GABRG3: variants seen among roughly 807,000 people sequenced by gnomAD.
GABRG3 encodes gamma-aminobutyric acid type A receptor subunit gamma3.
Under a neutral mutation model 48.8 loss-of-function variants are expected in GABRG3, and 25 were observed. The observed-to-expected ratio is 0.51, with a 90% CI of 0.37 to 0.72. GABRG3 has a LOEUF of 0.72. Among genes scored for constraint, GABRG3 ranks in the 30% least tolerant of loss-of-function variants. GABRG3 has a pLI of 0.00. For synonymous variants in GABRG3, 227 were observed against 217.6 expected (o/e 1.04, Z -0.38); for missense variants, 394 against 577.9 (o/e 0.68, Z 3.26).
At chr15:27,090,285 C>G (rs1354401526) in intron 3 of GABRG3, among the ~76,000 whole-genome samples, 1 of 152,206 alleles carries the variant, frequency 6.6e-6, no homozygotes, top group African/African-American at 2.4e-5. Context: ...GTAGGCTAGA[C>G]TAAGCTATGA....
At chr15:27,288,718 A>G (rs1192389479) in intron 3 of GABRG3, among the ~76,000 whole-genome samples, 1 of 80,626 alleles carries the variant, frequency 1.2e-5, no homozygotes, top group Non-Finnish European at 2.8e-5. Context: ...CGTCTCACAG[A>G]AAAAAAAAAA....
chr15:27,256,892 G>T (rs774933210), intron 3 of GABRG3, among the ~76,000 whole-genome samples: 2 of 152,306 alleles, frequency 1.3e-5, no homozygotes, highest in East Asian at 3.9e-4. Flanking sequence ...GACTGCAGAC[G>T]TCTCCTGGAC....
chr15:27,007,684 T>C (rs1419347594), intron 2 of GABRG3, among the ~76,000 whole-genome samples: 7 of 152,204 alleles, frequency 4.6e-5, no homozygotes, highest in Non-Finnish European at 1.0e-4. Context: ...TGAGCATTTT[T>C]TCATATACTG....
chr15:27,095,975 A>C (rs1241378134), intron 3 of GABRG3, among the ~76,000 whole-genome samples: 2 of 152,186 alleles, frequency 1.3e-5, no homozygotes. Context: ...GGTTCAGCCC[A>C]ACCTGGATTA....
intron 5 of GABRG3, among the ~76,000 whole-genome samples, chr15:27,455,909 G>A (rs989529772): frequency 6.6e-6 from 1 of 152,104 alleles, no homozygotes; most frequent in Non-Finnish European, 1.5e-5. Flanking sequence ...TGGGGCTCTG[G>A]TCACTGTCCC....
chr15:27,339,981 G>A (rs1226145238), intron 5 of GABRG3, among the ~76,000 whole-genome samples: 7 of 152,088 alleles, frequency 4.6e-5, no homozygotes, highest in African/African-American at 1.4e-4. Flanking sequence ...GAAGGCTGGG[G>A]AGGCGAGCAG....
intron 6 of GABRG3, among the ~76,000 whole-genome samples, chr15:27,499,550 C>T (rs1049424552): frequency 2.0e-5 from 3 of 152,162 alleles, no homozygotes; most frequent in Non-Finnish European, 4.4e-5. Context: ...ATGTTTATGT[C>T]GGAGTAAGAG....
intron 3 of GABRG3, among the ~76,000 whole-genome samples, chr15:27,242,085 G>C (rs1222639480): frequency 1.3e-5 from 2 of 152,180 alleles, no homozygotes; most frequent in Admixed American, 6.5e-5. Context: ...CCATCCTCCA[G>C]CACGAGATGC....
At chr15:27,052,321 G>A (rs1896469631) in intron 3 of GABRG3, among the ~76,000 whole-genome samples, 1 of 152,168 alleles carries the variant, frequency 6.6e-6, no homozygotes, top group African/African-American at 2.4e-5. Flanking sequence ...TGCCGCAAAT[G>A]GTGACCAGAT....
chr15:27,489,673 C>T (rs1413634871), intron 6 of GABRG3, among the ~76,000 whole-genome samples: 1 of 152,086 alleles, frequency 6.6e-6, no homozygotes, highest in Non-Finnish European at 1.5e-5. Context: ...TAAATGTCTT[C>T]TTTTGGGAAG....
At chr15:27,246,925 G>A (rs1349049109) in intron 3 of GABRG3, among the ~76,000 whole-genome samples, 1 of 152,160 alleles carries the variant, frequency 6.6e-6, no homozygotes, top group African/African-American at 2.4e-5. Context: ...TGTGTTGCAT[G>A]TGTGTTCATA....
intron 5 of GABRG3, among the ~76,000 whole-genome samples, chr15:27,433,288 A>G (rs112126697): frequency 0.045 from 6,809 of 152,320 alleles, 177 homozygotes; most frequent in Middle Eastern, 0.11. Flanking sequence ...TTAAAACAAC[A>G]CAAATTTATT....
intron 5 of GABRG3, among the ~76,000 whole-genome samples, chr15:27,413,429 A>G (rs947544462): frequency 8.5e-5 from 13 of 152,230 alleles, no homozygotes; most frequent in Admixed American, 8.5e-4. Flanking sequence ...TGCAGATTGC[A>G]TAGTTTAGGG....
chr15:27,234,322 G>C (rs1889890990), intron 3 of GABRG3, among the ~76,000 whole-genome samples: 1 of 152,088 alleles, frequency 6.6e-6, no homozygotes, highest in Non-Finnish European at 1.5e-5. Flanking sequence ...TGTAGCTTTG[G>C]GCCCTTCTCA....
chr15:26,973,386 G>A (rs1282162490), intron 1 of GABRG3, among the ~76,000 whole-genome samples: 1 of 152,178 alleles, frequency 6.6e-6, no homozygotes, highest in East Asian at 1.9e-4. Context: ...TTGCAGATCA[G>A]TTAAAAAATC....
chr15:27,446,979 C>T (rs1162492019), intron 5 of GABRG3, among the ~76,000 whole-genome samples: 1 of 152,196 alleles, frequency 6.6e-6, no homozygotes, highest in Non-Finnish European at 1.5e-5. Context: ...GCTTTCCCAC[C>T]CTCTCTGATG....
chr15:27,182,512 G>A (rs1049476264), intron 3 of GABRG3, among the ~76,000 whole-genome samples: 3 of 152,096 alleles, frequency 2.0e-5, no homozygotes, highest in East Asian at 3.9e-4. Context: ...ATGTGAACCC[G>A]CCATGTGAAA....
chr15:27,444,226 TCTTA>T lies in GABRG3; in HGVS notation c.575-36421_575-36418del, dbSNP rs1226407953. ...TTCATCAATCATGTTTTTCAAATCTTCTTACTATGTAGTGATTTTTTTGTCTATT... is the reference window on the plus strand; with the variant it reads ...TTCATCAATCATGTTTTTCAAATCTTCTATGTAGTGATTTTTTTGTCTATT... On this transcript the variant is annotated intron_variant, in intron 5 of 9. Coordinates refer to ENST00000615808, the MANE Select transcript of GABRG3 (RefSeq NM_033223.5). Among the ~76,000 whole-genome samples the T allele has an allele frequency of 2.8e-3, 431 of 152,282 alleles. 2 individuals are homozygous for T. Among genetic ancestry groups the T allele is most frequent in the African/African-American group, 1.0e-2 (415 of 41,578 alleles).
chr15:27,041,211 C>G (rs557575883), intron 3 of GABRG3, among the ~76,000 whole-genome samples: 141 of 152,252 alleles, frequency 9.3e-4, no homozygotes, highest in African/African-American at 3.1e-3. Flanking sequence ...GAGGCAGGGT[C>G]TCTCTGTGTC....
Sources: allele counts gnomAD v4.1 joint callset (sites outside exome capture counted in the v4.1 genomes callset), GRCh38; gene constraint gnomAD v4.1.1; transcripts MANE v1.5; gene names NCBI Gene and HGNC (gene_info 2026-07-23, HGNC 2026-07-21).